The following GNL3L variants were observed in gnomAD, a reference collection of about 807,000 sequenced individuals.
The protein encoded by GNL3L is guanine nucleotide-binding protein-like 3-like protein.
Under a neutral mutation model 42.9 loss-of-function variants are expected in GNL3L, and 4 were observed. The ratio of observed to expected loss-of-function variants is 0.09; its 90% CI spans 0.05 to 0.21. The LOEUF is 0.21. GNL3L is among the 10% of genes least tolerant of loss of function. The probability of loss-of-function intolerance (pLI) is 1.00; values close to 1 mark genes in which losing one functional copy is unlikely to be tolerated. For synonymous variants in GNL3L, 159 were observed against 176.3 expected (o/e 0.90, Z 0.78); for missense variants, 412 against 481.7 (o/e 0.86, Z 1.36).
intron 16 of GNL3L, among the ~76,000 whole-genome samples, chrX:54,580,486 A>G (rs772741643): frequency 1.9e-3 from 213 of 111,037 alleles, no homozygotes; most frequent in African/African-American, 6.3e-3. Context: ...TTATAGCAGC[A>G]TGATTTATAA....
chrX:54,576,627 TG>T (rs1319886687), intron 16 of GNL3L, among the ~76,000 whole-genome samples: 4 of 110,408 alleles, frequency 3.6e-5, no homozygotes, highest in African/African-American at 1.3e-4. Flanking sequence ...CCACCATGCC[TG>T]GGTGATTTTT....
chrX:54,588,562 C>T lies in GNL3L; in HGVS notation c.*45+27915C>T, dbSNP rs569920216. Reference sequence around the variant, plus strand: ...GAACCAGGCCGGGTGTGGTGGCTCACGCCTGTAATCTCAGCACTTTGGGAG... The same window carrying T: ...GAACCAGGCCGGGTGTGGTGGCTCATGCCTGTAATCTCAGCACTTTGGGAG... On this transcript the variant is annotated intron_variant, in intron 16 of 16. Transcript: ENST00000674498. Among the ~76,000 whole-genome samples, 10 of 111,674 alleles carry T rather than the reference C, an allele frequency of 9.0e-5. No homozygotes were observed. In the South Asian group the frequency reaches 2.2e-3, roughly 25 times the overall value.
chrX:54,579,982 G>GTTT (rs1158646056), intron 16 of GNL3L, among the ~76,000 whole-genome samples: 11 of 54,816 alleles, frequency 2.0e-4, no homozygotes, highest in African/African-American at 1.5e-3. Flanking sequence ...CTGGCCTAAA[G>GTTT]TTTGTTTTTT....
intron 2 of GNL3L, among the ~76,000 whole-genome samples, chrX:54,533,466 C>T (rs1169214431): frequency 9.0e-6 from 1 of 111,119 alleles, no homozygotes; most frequent in Non-Finnish European, 1.9e-5. Flanking sequence ...GAGGATTGTG[C>T]TCTGTTTTCT....
chrX:54,582,726 G>A (rs1925733408), intron 16 of GNL3L, among the ~76,000 whole-genome samples: 1 of 111,756 alleles, frequency 8.9e-6, no homozygotes, highest in South Asian at 3.7e-4. Flanking sequence ...GGGATTAGAG[G>A]TGCGTGCCAC....
At chrX:54,574,384 A>C (rs1925605275) in intron 16 of GNL3L, among the ~76,000 whole-genome samples, 1 of 111,868 alleles carries the variant, frequency 8.9e-6, no homozygotes, top group Non-Finnish European at 1.9e-5. Flanking sequence ...GCATTTATCG[A>C]GATGATTATA....
chrX:54,639,827 G>T, the GNL3L span, among the ~76,000 whole-genome samples: 2 of 111,386 alleles, frequency 1.8e-5, no homozygotes, highest in African/African-American at 6.5e-5. Context: ...GGCTTTCGGG[G>T]AGGGAGGAGC....
intron 13 of GNL3L, 22 bp from the exon 14 acceptor site, chrX:54,554,543 A>G: frequency 4.2e-6 from 5 of 1,203,992 alleles, no homozygotes; most frequent in Non-Finnish European, 5.6e-6. Context: ...GGGCCCTGAC[A>G]GTGGTGTTGG....
At position 54,542,748 on chromosome X, in the gene GNL3L, C is replaced by G. The variant is rs770265677; in HGVS notation, c.307-207C>G. 4.5e-5 allele frequency among the ~76,000 whole-genome samples: 5 copies of G among 111,790 alleles called. No individual in the cohort carries two copies. In the East Asian group the frequency reaches 1.4e-3, roughly 32 times the overall value. ...AAGTGTTCCTATTTCTTCACATCCT[C>G]TCCAGCACCTGTTGTTTCCTGACTT... On this transcript the variant is annotated intron_variant, in intron 5 of 15. Coordinates refer to ENST00000360845, the MANE Select transcript of GNL3L (RefSeq NM_001184819.2).
chrX:54,574,486 A>C (rs1396163833), intron 16 of GNL3L, among the ~76,000 whole-genome samples: 1 of 112,178 alleles, frequency 8.9e-6, no homozygotes, highest in Non-Finnish European at 1.9e-5. Flanking sequence ...AGTAAATAGC[A>C]CTTGGACATA....
chrX:54,626,523 G>T, the GNL3L span, among the ~76,000 whole-genome samples: 1 of 111,497 alleles, frequency 9.0e-6, no homozygotes, highest in Non-Finnish European at 1.9e-5. Context: ...TACTGATTTT[G>T]TTTCCTTTGG....
chrX:54,572,870 G>A (rs1187746686), intron 16 of GNL3L, among the ~76,000 whole-genome samples: 1 of 105,464 alleles, frequency 9.5e-6, no homozygotes, highest in Non-Finnish European at 2.0e-5. Context: ...CCCAGACGGG[G>A]TCGCAGCCGG....
rs763367223 is a variant in GNL3L, at chrX:54,560,564, G to A, written c.1711G>A (p.Asp571Asn). ...GTCTGATTCCATGATGTCTGCTCTC[G>A]ACCTCTCTGGCAATGCTGATGATGG... The part of the protein sequence containing the change: ...KLSDSMMSAL[D>N]LSGNADDGVG... Residue 571 changes from aspartate (D) to asparagine (N), a missense_variant, in exon 16 of 16, where the codon GAC becomes AAC. By Grantham distance (23) the Asp-to-Asn change is conservative (BLOSUM62 1). Coordinates refer to ENST00000360845, the MANE Select transcript of GNL3L (RefSeq NM_001184819.2). 1 of 1,177,137 alleles carries A rather than the reference G, an allele frequency of 8.5e-7. No homozygotes were observed. The highest frequency in any genetic ancestry group is 1.7e-5 in the African/African-American group (1 of 57,179).
At chrX:54,581,367 G>A (rs770521953) in intron 16 of GNL3L, among the ~76,000 whole-genome samples, 9 of 111,281 alleles carry the variant, frequency 8.1e-5, no homozygotes, top group Non-Finnish European at 1.1e-4. Context: ...GAGTAGCTGG[G>A]ACTACAGGTG....
downstream of GNL3L, among the ~76,000 whole-genome samples, chrX:54,570,656 G>GT (rs201617844): frequency 8.7e-4 from 94 of 107,702 alleles, 1 homozygote; most frequent in East Asian, 5.9e-3. Context: ...TTGGATTACT[G>GT]TTTTTTTTAA....
chrX:54,589,227 A>G (rs1399894733), intron 16 of GNL3L, among the ~76,000 whole-genome samples: 1 of 111,620 alleles, frequency 9.0e-6, no homozygotes, highest in Non-Finnish European at 1.9e-5. Context: ...TCACCCTATA[A>G]ATAGACGGAA....
chrX:54,544,389 G>C, intron 8 of GNL3L, 63 bp downstream of exon 8: 1 of 568,117 alleles, frequency 1.8e-6, no homozygotes, highest in Non-Finnish European at 3.0e-6. Context: ...AGCTGGGAGG[G>C]TCGTGACTTG....
At chrX:54,601,417 C>T (rs1392564419) in intron 16 of GNL3L, among the ~76,000 whole-genome samples, 1 of 111,602 alleles carries the variant, frequency 9.0e-6, no homozygotes, top group Non-Finnish European at 1.9e-5. Context: ...ACTTAACACG[C>T]TGTATTTCCT....
chrX:54,601,415 C>T (rs778460502), intron 16 of GNL3L, among the ~76,000 whole-genome samples: 54 of 111,625 alleles, frequency 4.8e-4, no homozygotes, highest in African/African-American at 1.6e-3. Context: ...GAACTTAACA[C>T]GCTGTATTTC....
Sources: gnomAD v4.1 joint callset for allele counts (sites outside exome capture counted in the v4.1 genomes callset) on GRCh38, gnomAD v4.1.1 for gene constraint, MANE v1.5 for transcripts, NCBI Gene and HGNC (gene_info 2026-07-23, HGNC 2026-07-21) for gene names.